SLIT3: variants seen among roughly 807,000 people sequenced by gnomAD.
SLIT3 encodes slit guidance ligand 3.
SLIT3 carries 68 observed loss-of-function variants against 184.0 expected under a neutral mutation model. That is an observed-to-expected ratio of 0.37 (90% confidence interval 0.30 to 0.45). The LOEUF (loss-of-function observed/expected upper bound fraction) is 0.45, where lower values mean the gene tolerates loss of function less well. SLIT3 is among the 20% of genes least tolerant of loss of function. The probability of loss-of-function intolerance (pLI) is 1.00; values close to 1 mark genes in which losing one functional copy is unlikely to be tolerated. For synonymous variants in SLIT3, 831 were observed against 828.6 expected, an observed-to-expected ratio of 1.00 and a Z score of -0.05; for missense variants, 1,707 against 2,026.0, an observed-to-expected ratio of 0.84 and a Z score of 3.02.
intron 4 of SLIT3, among the ~76,000 whole-genome samples, chr5:168,961,028 T>C (rs1296928574): frequency 1.3e-5 from 2 of 152,154 alleles, no homozygotes; most frequent in East Asian, 3.8e-4. Context: ...CTCCATCTCC[T>C]CACCTGTGTA....
chr5:168,870,016 A>C (rs1024346963), intron 5 of SLIT3, among the ~76,000 whole-genome samples: 4 of 152,266 alleles, frequency 2.6e-5, no homozygotes, highest in African/African-American at 9.6e-5. Flanking sequence ...CCGTGCCGGC[A>C]CGGCAGGCGC....
intron 23 of SLIT3, chr5:168,718,146 A>G (rs1470488625): frequency 6.6e-6 from 1 of 150,984 alleles, no homozygotes; most frequent in Admixed American, 6.6e-5. Flanking sequence ...GAATTTTCTG[A>G]TGCTCTAATA....
chr5:169,132,468 G>A (rs924430364), intron 4 of SLIT3, among the ~76,000 whole-genome samples: 1 of 152,036 alleles, frequency 6.6e-6, no homozygotes, highest in African/African-American at 2.4e-5. Context: ...CATGGTCCAC[G>A]TGCCACCAAA....
chr5:169,059,348 G>A (rs1427522328), intron 4 of SLIT3, among the ~76,000 whole-genome samples: 4 of 152,156 alleles, frequency 2.6e-5, no homozygotes, highest in Non-Finnish European at 2.9e-5. Context: ...AACAAAAGCC[G>A]CATTCTTTAA....
At chr5:169,126,328 G>C (rs1396307059) in intron 4 of SLIT3, among the ~76,000 whole-genome samples, 1 of 152,218 alleles carries the variant, frequency 6.6e-6, no homozygotes, top group South Asian at 2.1e-4. Context: ...AGGAGAGAGA[G>C]AGGAAGAGGG....
At chr5:168,960,857 T>C (rs1762980463) in intron 4 of SLIT3, among the ~76,000 whole-genome samples, 1 of 152,230 alleles carries the variant, frequency 6.6e-6, no homozygotes, top group Non-Finnish European at 1.5e-5. Flanking sequence ...ACACTAATCT[T>C]ACTTAAGGAA....
At chr5:168,754,090 G>T (rs978348571) in intron 16 of SLIT3, 83 bp from the exon 17 acceptor site, 3 of 1,440,012 alleles carry the variant, frequency 2.1e-6, no homozygotes, top group South Asian at 2.7e-5. Flanking sequence ...CCCTGCAGCT[G>T]CTGGGGACTC....
chr5:169,226,096 C>G (rs1388350069), intron 3 of SLIT3, among the ~76,000 whole-genome samples: 3 of 152,138 alleles, frequency 2.0e-5, no homozygotes, highest in Admixed American at 2.0e-4. Flanking sequence ...CCTCCATACC[C>G]CACTTTAGTC....
At chr5:169,184,736 A>G (rs1763277756) in intron 4 of SLIT3, among the ~76,000 whole-genome samples, 1 of 152,294 alleles carries the variant, frequency 6.6e-6, no homozygotes, top group East Asian at 1.9e-4. Flanking sequence ...TTGAAAACCA[A>G]CCATAGCCTA....
intron 5 of SLIT3, among the ~76,000 whole-genome samples, chr5:168,874,627 C>T (rs1759663558): frequency 6.6e-6 from 1 of 152,204 alleles, no homozygotes; most frequent in African/African-American, 2.4e-5. Context: ...ACTGTGTCAT[C>T]TTGGCCTAGA....
rs371234646 is a variant in SLIT3 at position 168,812,068 on chromosome 5, G to A, written c.793+5232C>T. On this transcript the variant is annotated intron_variant, in intron 8 of 35. Coordinates refer to ENST00000519560, the MANE Select transcript of SLIT3 (RefSeq NM_003062.4). ...CATTTGTAGCAACATGGATGGAACCGGAGGACGTTATGTTAGGTGAAATAA... is the reference window on the plus strand; with the variant it reads ...CATTTGTAGCAACATGGATGGAACCAGAGGACGTTATGTTAGGTGAAATAA... Among the ~76,000 whole-genome samples the A allele has an allele frequency of 2.2e-4, 33 of 152,280 alleles. No homozygotes were observed. The East Asian group carries it at 5.0e-3, about 23-fold the overall frequency.
intron 4 of SLIT3, among the ~76,000 whole-genome samples, chr5:168,924,439 C>G (rs192680690): frequency 8.1e-4 from 124 of 152,192 alleles, no homozygotes; most frequent in African/African-American, 3.0e-3. Flanking sequence ...CCACTTACAC[C>G]TCAGTTCAAT....
chr5:169,044,424 C>T (rs775084941), intron 4 of SLIT3, among the ~76,000 whole-genome samples: 8 of 152,044 alleles, frequency 5.3e-5, no homozygotes, highest in East Asian at 3.8e-4. Context: ...AATGAAGTAT[C>T]GATACATGCT....
At chr5:169,069,167 G>A (rs1318122166) in intron 4 of SLIT3, among the ~76,000 whole-genome samples, 3 of 152,214 alleles carry the variant, frequency 2.0e-5, no homozygotes, top group African/African-American at 7.2e-5. Flanking sequence ...ATTTACAGTT[G>A]AGGAAAGTGA....
intron 4 of SLIT3, among the ~76,000 whole-genome samples, chr5:169,187,600 G>A (rs1277087795): frequency 7.0e-6 from 1 of 143,718 alleles, no homozygotes; most frequent in Non-Finnish European, 1.5e-5. Flanking sequence ...TGCCATCCAA[G>A]CTAGAGTGCC....
intron 4 of SLIT3, among the ~76,000 whole-genome samples, chr5:168,912,225 A>C (rs1761274178): frequency 1.3e-5 from 2 of 152,042 alleles, no homozygotes; most frequent in Non-Finnish European, 2.9e-5. Flanking sequence ...GTATTTTAAC[A>C]TATTTTATAC....
chr5:168,874,374 C>T (rs113165540), intron 5 of SLIT3, among the ~76,000 whole-genome samples: 5 of 152,276 alleles, frequency 3.3e-5, no homozygotes, highest in South Asian at 2.1e-4. Flanking sequence ...TCCCTAAAAA[C>T]GGGAGTCTCT....
rs149346319 is a variant in SLIT3, at chr5:168,669,786, G to T, written c.4333C>A (p.Gln1445Lys). 1.0e-4 allele frequency: 167 copies of T among 1,613,088 alleles called. 1 individual carries two copies. The highest frequency in any genetic ancestry group is 1.8e-4 in the Middle Eastern group (1 of 5,416). Reference sequence around the variant, plus strand: ...CCCACAGGCACAGTAGACCCACCTTGTTGGCAGTGCTCGCCGCTAAAGCCG... The same window carrying T: ...CCCACAGGCACAGTAGACCCACCTTTTTGGCAGTGCTCGCCGCTAAAGCCG... Reference protein sequence around the residue: ...QPGFSGEHCQQENPCLGQVVR... With the variant: ...QPGFSGEHCQKENPCLGQVVR... The change falls in exon 35 of 36, where the codon CAA becomes AAA. Residue 1445 changes from glutamine to lysine, a missense_variant. Coordinates refer to ENST00000519560, the MANE Select transcript of SLIT3 (RefSeq NM_003062.4).
chr5:169,252,192 C>T (rs1297427142), intron 1 of SLIT3, among the ~76,000 whole-genome samples: 2 of 152,162 alleles, frequency 1.3e-5, no homozygotes, highest in Non-Finnish European at 2.9e-5. Context: ...TTGCAAACTC[C>T]CTGAGGGCAA....
Sources: allele counts gnomAD v4.1 joint callset (sites outside exome capture counted in the v4.1 genomes callset), GRCh38; gene constraint gnomAD v4.1.1; transcripts MANE v1.5; gene names NCBI Gene and HGNC (gene_info 2026-07-23, HGNC 2026-07-21).